The following BET1 variants were observed in gnomAD, a reference collection of about 807,000 sequenced individuals.
BET1 encodes the protein BET1 homolog.
In BET1, 9 loss-of-function variants were observed where a neutral mutation model predicts 13.9. That is an observed-to-expected ratio of 0.65 (90% confidence interval 0.39 to 1.13). The LOEUF (loss-of-function observed/expected upper bound fraction) is 1.13. Ranked by LOEUF, BET1 falls within the 50% of genes most tolerant of loss-of-function variation. The probability of loss-of-function intolerance (pLI) is 0.01; values close to 1 mark genes in which losing one functional copy is unlikely to be tolerated. For missense variants in BET1, 127 were observed against 133.6 expected (o/e 0.95, Z 0.24); for synonymous variants, 39 against 47.3 (o/e 0.82, Z 0.72).
At chr7:93,967,879 G>C (rs1186131146) in intron 6 of BET1, among the ~76,000 whole-genome samples, 1 of 151,766 alleles carries the variant, frequency 6.6e-6, no homozygotes, top group Non-Finnish European at 1.5e-5. Context: ...TCCATTGAGT[G>C]TGTTTCTTTG....
chr7:94,002,453 T>TC (rs1400174175), intron 1 of BET1, among the ~76,000 whole-genome samples: 3 of 108,670 alleles, frequency 2.8e-5, no homozygotes, highest in Non-Finnish European at 5.5e-5. Flanking sequence ...AGAAGAGCTT[T>TC]TTTTTAAAAA....
chr7:93,978,863 T>C (rs1179619430), intron 4 of BET1, among the ~76,000 whole-genome samples: 1 of 152,090 alleles, frequency 6.6e-6, no homozygotes, highest in African/African-American at 2.4e-5. Context: ...TAAGGACAAA[T>C]GAAGGTTGGC....
intron 1 of BET1, 73 bp downstream of exon 1, chr7:94,004,125 G>A: frequency 6.2e-7 from 1 of 1,606,118 alleles, no homozygotes; most frequent in South Asian, 1.1e-5. Context: ...CATAAGACAG[G>A]TTCGATTTCC....
chr7:93,999,337 T>G, intron 1 of BET1, 43 bp from the exon 2 acceptor site: 1 of 1,563,130 alleles, frequency 6.4e-7, no homozygotes, highest in Non-Finnish European at 8.6e-7. Flanking sequence ...GAGAAGCCAC[T>G]TTTGAAACAC....
At chr7:93,995,907 T>C (rs1030316011) in intron 3 of BET1, 7 of 331,724 alleles carry the variant, frequency 2.1e-5, no homozygotes, top group African/African-American at 1.3e-4. Flanking sequence ...CGACATTTAG[T>C]TGGTTGGATA....
At position 93,971,943 on chromosome 7, in the gene BET1, A is replaced by C. The variant is rs532198327; in HGVS notation, c.*137+632T>G. Among the ~76,000 whole-genome samples, 14 of 151,778 alleles carry C rather than the reference A, an allele frequency of 9.2e-5. No individual in the cohort carries two copies. In the South Asian group the frequency reaches 2.9e-3, roughly 31 times the overall value. On this transcript the variant is annotated intron_variant and NMD_transcript_variant, in intron 6 of 6. Coordinates refer to the BET1 transcript ENST00000357520. ...TTCCAGAAACTGCAAGCTTAAAAAAAAAAAAGCCATTGGATATGAAAAAAG... is the reference window on the plus strand; with the variant it reads ...TTCCAGAAACTGCAAGCTTAAAAAACAAAAAGCCATTGGATATGAAAAAAG...
intron 6 of BET1, among the ~76,000 whole-genome samples, chr7:93,971,284 C>A (rs546411518): frequency 6.6e-6 from 1 of 151,762 alleles, no homozygotes; most frequent in African/African-American, 2.4e-5. Flanking sequence ...GCAATGTGCC[C>A]TTTTTGGTGA....
chr7:93,999,276 C>T lies in BET1; in HGVS notation c.38G>A (p.Gly13Asp), dbSNP rs756511960. ...RAGLGEGVPPGNYGNYGYANS... is the reference protein window; with the variant it reads ...RAGLGEGVPPDNYGNYGYANS... ...AGCATAGCCATAGTTCCCATAGTTGCCAGGAGGTACTCCTTCACCTGCAAG... is the reference window on the plus strand; with the variant it reads ...AGCATAGCCATAGTTCCCATAGTTGTCAGGAGGTACTCCTTCACCTGCAAG... Residue 13 changes from glycine (G) to aspartate (D), a missense_variant, in exon 2 of 4, where the codon GGC (glycine) becomes GAC (aspartate). Gly to Asp is a moderately conservative substitution (Grantham distance 94). Transcript: ENST00000222547. 50 of 1,611,048 alleles carry T rather than the reference C, an allele frequency of 3.1e-5. No homozygotes were observed. Among genetic ancestry groups the T allele is most frequent in the Non-Finnish European group, 6.8e-6 (8 of 1,178,650 alleles).
At chr7:93,972,593 T>C (rs1795273859) in exon 6 of BET1, 1 of 151,830 alleles carries the variant, frequency 6.6e-6, no homozygotes, top group African/African-American at 2.4e-5. Flanking sequence ...CTCCAGACTT[T>C]GATGTTTGGC....
intron 1 of BET1, among the ~76,000 whole-genome samples, chr7:94,003,901 G>A (rs1756902775): frequency 6.6e-6 from 1 of 151,814 alleles, no homozygotes; most frequent in African/African-American, 2.4e-5. Context: ...CCATAACCAC[G>A]CTCAGTCAAT....
At chr7:93,994,516 G>T in intron 3 of BET1, 131 bp from the exon 4 acceptor site, 1 of 1,013,514 alleles carries the variant, frequency 9.9e-7, no homozygotes, top group Non-Finnish European at 1.4e-6. Context: ...CAATTCAGGA[G>T]CCTGTTGATA....
intron 2 of BET1, among the ~76,000 whole-genome samples, chr7:93,998,025 C>T (rs527468614): frequency 6.6e-6 from 1 of 152,128 alleles, no homozygotes; most frequent in South Asian, 2.1e-4. Context: ...TGTGGATAAG[C>T]AGCACTTCAG....
At chr7:93,996,734 C>T (rs1164983679) in intron 2 of BET1, among the ~76,000 whole-genome samples, 1 of 149,324 alleles carries the variant, frequency 6.7e-6, no homozygotes, top group Non-Finnish European at 1.5e-5. Flanking sequence ...TATATTTTAA[C>T]TTATTTTAGG....
In BET1 at chr7:93,994,443, C is replaced by T. The variant is rs1584142653; in HGVS notation, c.202-58G>A. The T allele has an allele frequency of 2.4e-5, 36 of 1,489,372 alleles. No homozygotes were observed. In the East Asian group the frequency reaches 8.3e-4, roughly 34 times the overall value. The allele number at this position is 1,489,372 out of a possible 1,614,324, so 92.3% of individuals were successfully genotyped here. On this transcript the variant is annotated intron_variant, in intron 3 of 3. Transcript: ENST00000222547. ...GTTAGATTCTAAGAGTCTACATATG[C>T]ATATCCAAGTAATTGAATAACTGTT...
At chr7:93,999,515 T>C (rs1795848895) in intron 1 of BET1, 3 of 518,402 alleles carry the variant, frequency 5.8e-6, no homozygotes, top group East Asian at 8.1e-5. Context: ...TCAGTTCATT[T>C]TGATACACAT....
intron 1 of BET1, chr7:93,999,838 T>C: frequency 2.7e-6 from 1 of 376,366 alleles, no homozygotes; most frequent in Non-Finnish European, 5.2e-6. Context: ...CAATAACTTA[T>C]GCAGAATGCT....
chr7:93,982,101 C>T (rs997525000), intron 4 of BET1, among the ~76,000 whole-genome samples: 8 of 151,962 alleles, frequency 5.3e-5, no homozygotes, highest in African/African-American at 1.7e-4. Flanking sequence ...ACATCTTTAG[C>T]TATGTCATAA....
rs1328239603 is a variant in BET1, at chr7:94,004,348, A to G, written c.-132T>C. 4 of 1,250,896 alleles carry G rather than the reference A, an allele frequency of 3.2e-6. No homozygotes were observed. Among genetic ancestry groups the G allele is most frequent in the African/African-American group, 3.0e-5 (2 of 67,462 alleles). 77.5% of individuals were successfully genotyped at this position (1,250,896 alleles called of 1,614,324 possible). On this transcript the variant is annotated 5_prime_UTR_variant, in exon 1 of 4. Transcript: ENST00000222547. ...CAACTTCTTCCCCTAAAGCGCCACG[A>G]CATCAGTGGAGTCTAAACACCGCGC...
chr7:93,965,571 C>T (rs1202299549), exon 7 of BET1: 1 of 151,888 alleles, frequency 6.6e-6, no homozygotes, highest in Non-Finnish European at 1.5e-5. Context: ...AGTTTGTACC[C>T]AAAGCAAGCT....
Sources: gnomAD v4.1 joint callset for allele counts (sites outside exome capture counted in the v4.1 genomes callset) on GRCh38, gnomAD v4.1.1 for gene constraint, MANE v1.5 for transcripts, NCBI Gene and HGNC (gene_info 2026-07-23, HGNC 2026-07-21) for gene names.